The following LMO4 variants were observed in gnomAD, a reference collection of about 807,000 sequenced individuals.
LMO4 encodes the protein LIM domain only 4.
Under a neutral mutation model 18.5 loss-of-function variants are expected in LMO4, and 3 were observed. The observed-to-expected ratio is 0.16, with a 90% CI of 0.07 to 0.42. The LOEUF is 0.42. LMO4 is among the 10% of genes least tolerant of loss of function. The pLI is 0.99. For missense variants in LMO4, 121 were observed against 219.9 expected, an observed-to-expected ratio of 0.55 and a Z score of 2.84; for synonymous variants, 100 against 88.1, an observed-to-expected ratio of 1.14 and a Z score of -0.76.
intron 2 of LMO4, among the ~76,000 whole-genome samples, chr1:87,333,358 GA>G (rs1040513226): frequency 1.3e-5 from 2 of 151,426 alleles, no homozygotes; most frequent in African/African-American, 4.9e-5. Context: ...ACACTTTTAA[GA>G]ATTTCATCCT....
chr1:87,338,351 T>A (rs1346964644), intron 2 of LMO4, among the ~76,000 whole-genome samples: 1 of 152,242 alleles, frequency 6.6e-6, no homozygotes, highest in East Asian at 1.9e-4. Flanking sequence ...ATGTTAATAT[T>A]TATTATGACA....
rs1349377732 is a variant in LMO4, at chr1:87,348,564, A to G, written c.*3768A>G. On this transcript the variant is annotated 3_prime_UTR_variant, in exon 5 of 5. Coordinates refer to ENST00000370544, the MANE Select transcript of LMO4 (RefSeq NM_006769.4). ...CAGAGTCTGAGATCTGACTAGCAGC[A>G]AAGTGTAGCACATTCGCCGATGCTG... The G allele has an allele frequency of 2.5e-6, 1 of 397,908 alleles. No homozygotes were observed. Among genetic ancestry groups the G allele is most frequent in the Non-Finnish European group, 5.1e-6 (1 of 194,738 alleles). 24.6% of individuals were successfully genotyped at this position (397,908 alleles called of 1,614,324 possible). A position where few individuals can be genotyped will look rare whatever the true frequency, so the allele number is the denominator to read the frequency against.
rs567464378 is a variant in LMO4, at chr1:87,344,691, A to G, written c.490-97A>G. ...TTGGAAAGTAATCTAATAAAAGAAG[A>G]TTAGTGAATGTGGGGAAGACAAAAG... is the stretch of plus-strand genomic sequence containing the variant. On this transcript the variant is annotated intron_variant, in intron 4 of 4. Coordinates refer to ENST00000370544, the MANE Select transcript of LMO4 (RefSeq NM_006769.4). The G allele has an allele frequency of 1.3e-5, 15 of 1,188,032 alleles. No individual in the cohort carries two copies. The Admixed American group carries it at 2.6e-4, about 20-fold the overall frequency. 73.6% of individuals were successfully genotyped at this position (1,188,032 alleles called of 1,614,324 possible). A position where few individuals can be genotyped will look rare whatever the true frequency, so the allele number is the denominator to read the frequency against.
At chr1:87,340,501 T>C (rs2100565812) in intron 4 of LMO4, among the ~76,000 whole-genome samples, 1 of 152,360 alleles carries the variant, frequency 6.6e-6, no homozygotes, top group Non-Finnish European at 1.5e-5. Context: ...TGGTTATTTA[T>C]TCCATTTGAC....
chr1:87,339,736 G>T, intron 3 of LMO4, 104 bp downstream of exon 3: 1 of 759,700 alleles, frequency 1.3e-6, no homozygotes, highest in Non-Finnish European at 2.2e-6. Context: ...TTCTCAAGCT[G>T]CAGACACTTG....
At chr1:87,336,794 C>T (rs897440611) in intron 2 of LMO4, among the ~76,000 whole-genome samples, 2 of 152,142 alleles carry the variant, frequency 1.3e-5, no homozygotes, top group African/African-American at 4.8e-5. Flanking sequence ...TTTAATTAGC[C>T]TGACCTGGGG....
chr1:87,343,417 C>G (rs1005968552), intron 4 of LMO4, among the ~76,000 whole-genome samples: 1 of 152,102 alleles, frequency 6.6e-6, no homozygotes, highest in Non-Finnish European at 1.5e-5. Flanking sequence ...ATGCTGCCTT[C>G]TAGAGGGTTA....
chr1:87,339,450 G>C, intron 2 of LMO4, 86 bp from the exon 3 acceptor site: 1 of 874,756 alleles, frequency 1.1e-6, no homozygotes, highest in Non-Finnish European at 1.9e-6. Flanking sequence ...CATTCCAAAG[G>C]GATGCCCAGA....
intron 4 of LMO4, among the ~76,000 whole-genome samples, chr1:87,342,305 T>TAC (rs1650520303): frequency 6.6e-6 from 1 of 152,172 alleles, no homozygotes; most frequent in Non-Finnish European, 1.5e-5. Context: ...TTTCATACCA[T>TAC]CTTTTATAGT....
At chr1:87,344,255 G>A (rs1007728059) in intron 4 of LMO4, among the ~76,000 whole-genome samples, 5 of 152,074 alleles carry the variant, frequency 3.3e-5, no homozygotes, top group Non-Finnish European at 7.4e-5. Flanking sequence ...TTTTATTAAG[G>A]GCCAAGCACT....
rs1390574357 is a variant in LMO4, at chr1:87,347,864, T to C, written c.*3068T>C. The C allele has an allele frequency of 7.2e-5, 11 of 152,198 alleles. No homozygotes were observed. Among genetic ancestry groups the C allele is most frequent in the Non-Finnish European group, 5.9e-5 (4 of 68,034 alleles). 9.4% of individuals were successfully genotyped at this position (152,198 alleles called of 1,614,324 possible). On this transcript the variant is annotated 3_prime_UTR_variant, in exon 5 of 5. Transcript: ENST00000370544. ...CCAAATCGTTTGCCACTAGAAACTATTTTCAGCTCTTCATGATTTATTAGG... is the reference window on the plus strand; with the variant it reads ...CCAAATCGTTTGCCACTAGAAACTACTTTCAGCTCTTCATGATTTATTAGG...
At chr1:87,333,841 C>T (rs1218474204) in intron 2 of LMO4, among the ~76,000 whole-genome samples, 1 of 150,186 alleles carries the variant, frequency 6.7e-6, no homozygotes, top group African/African-American at 2.5e-5. Flanking sequence ...AAATAGAAAG[C>T]AAAACTGTGG....
intron 2 of LMO4, among the ~76,000 whole-genome samples, chr1:87,333,522 C>G (rs1182405701): frequency 1.3e-5 from 2 of 152,070 alleles, no homozygotes; most frequent in East Asian, 3.8e-4. Context: ...GTAAAAGATC[C>G]CAGTGCAGTT....
chr1:87,334,684 G>A (rs868042329), intron 2 of LMO4, among the ~76,000 whole-genome samples: 9 of 152,272 alleles, frequency 5.9e-5, no homozygotes, highest in Admixed American at 5.2e-4. Flanking sequence ...AGCTGCGGGA[G>A]AGCTGGGAAA....
intron 4 of LMO4, among the ~76,000 whole-genome samples, chr1:87,342,306 CTTTT>C (rs1650520384): frequency 6.6e-6 from 1 of 152,130 alleles, no homozygotes; most frequent in Non-Finnish European, 1.5e-5. Context: ...TTCATACCAT[CTTTT>C]ATAGTATAAG....
chr1:87,335,253 G>T (rs1372765174), intron 2 of LMO4, among the ~76,000 whole-genome samples: 2 of 152,184 alleles, frequency 1.3e-5, no homozygotes, highest in Non-Finnish European at 2.9e-5. Context: ...CCTCGGGCCC[G>T]AAGACTGGCG....
intron 2 of LMO4, among the ~76,000 whole-genome samples, chr1:87,335,149 C>T (rs1650267925): frequency 6.6e-6 from 1 of 152,144 alleles, no homozygotes; most frequent in South Asian, 2.1e-4. Context: ...CCTTCCCCCA[C>T]CCCCGGCTCC....
Position 87,346,333 on chromosome 1 carries a change from A to AT in LMO4, c.*1538dup, listed in dbSNP as rs1024226329. The AT allele has an allele frequency of 2.6e-5, 4 of 152,272 alleles. No homozygotes were observed. Among genetic ancestry groups the AT allele is most frequent in the African/African-American group, 9.6e-5 (4 of 41,466 alleles). 9.4% of individuals were successfully genotyped at this position (152,272 alleles called of 1,614,324 possible). On this transcript the variant is annotated 3_prime_UTR_variant, in exon 5 of 5. Coordinates refer to ENST00000370544, the MANE Select transcript of LMO4 (RefSeq NM_006769.4). ...AGCTGCCCTCCGGAAAGCATGCAGT[A>AT]TAACAGCTAGTGCTGGAAGGAGGAA...
chr1:87,342,832 G>A (rs1048530286), intron 4 of LMO4, among the ~76,000 whole-genome samples: 1 of 152,114 alleles, frequency 6.6e-6, no homozygotes, highest in Middle Eastern at 3.2e-3. Flanking sequence ...ACTTCCTGGT[G>A]GAACATAAAC....
Sources: gnomAD v4.1 joint callset for allele counts (sites outside exome capture counted in the v4.1 genomes callset) on GRCh38, gnomAD v4.1.1 for gene constraint, MANE v1.5 for transcripts, NCBI Gene and HGNC (gene_info 2026-07-23, HGNC 2026-07-21) for gene names.